Variants in GBP4 observed in about 807,000 individuals in gnomAD.
GBP4 encodes guanylate-binding protein 4.
In GBP4, 69 loss-of-function variants were observed where a neutral mutation model predicts 62.2. The ratio of observed to expected loss-of-function variants is 1.11; its 90% CI spans 0.91 to 1.36. The LOEUF is 1.36. Among genes scored for constraint, GBP4 ranks in the 40% most tolerant of loss-of-function variants. The pLI is 0.00. For synonymous variants in GBP4, 278 were observed against 274.6 expected (o/e 1.01, Z -0.12); for missense variants, 697 against 759.3 (o/e 0.92, Z 0.96).
chr1:89,187,808 T>A (rs531793258), intron 8 of GBP4, among the ~76,000 whole-genome samples: 1 of 152,314 alleles, frequency 6.6e-6, no homozygotes, highest in East Asian at 1.9e-4. Context: ...CATTTTAGAA[T>A]GATAATTATC....
chr1:89,181,343 G>C lies in GBP4; in HGVS notation c.*3911C>G, dbSNP rs1192415773. ...CTTAGTGGGGGAGCTTTTGAGCCAG[G>C]ATGAGCCAGGAGAAGGAATTTCACA... On this transcript the variant is annotated 3_prime_UTR_variant, in exon 11 of 11. Transcript: ENST00000355754. 1 of 152,002 alleles carries C rather than the reference G, an allele frequency of 6.6e-6. No homozygotes were observed. The highest frequency in any genetic ancestry group is 2.4e-5 in the African/African-American group (1 of 41,414). The allele number at this position is 152,002 out of a possible 1,614,324, so 9.4% of individuals were successfully genotyped here. A position where few individuals can be genotyped will look rare whatever the true frequency, so the allele number is the denominator to read the frequency against.
Position 89,184,044 on chromosome 1 carries a change from A to G in GBP4, c.*1210T>C, listed in dbSNP as rs547082226. 6.6e-6 allele frequency: 1 copy of G among 152,360 alleles called. No homozygotes were observed. Among genetic ancestry groups the G allele is most frequent in the South Asian group, 2.1e-4 (1 of 4,830 alleles). 9.4% of individuals were successfully genotyped at this position (152,360 alleles called of 1,614,324 possible). On this transcript the variant is annotated 3_prime_UTR_variant, in exon 11 of 11. Transcript: ENST00000355754. ...CGAAAAACAAGCAACCCCATTAAAA[A>G]GAAAGTGGGCAAAGAACATGAACAC...
chr1:89,194,658 A>G (rs1009344578), intron 3 of GBP4, among the ~76,000 whole-genome samples: 2 of 152,240 alleles, frequency 1.3e-5, no homozygotes, highest in African/African-American at 4.8e-5. Context: ...ACCTAAAGTT[A>G]TCTCACTTAC....
Position 89,191,450 on chromosome 1 carries a change from A to G in GBP4, c.727T>C (p.Phe243Leu). The G allele has an allele frequency of 1.2e-6, 2 of 1,614,250 alleles. No homozygotes were observed. The highest frequency in any genetic ancestry group is 1.7e-6 in the Non-Finnish European group (2 of 1,180,032). Residue 243 changes from phenylalanine (F) to leucine (L), a missense_variant, in exon 6 of 11, where the codon TTC becomes CTC. Phe to Leu is a conservative substitution (Grantham distance 22). Coordinates refer to ENST00000355754, the MANE Select transcript of GBP4 (RefSeq NM_052941.5). Reference sequence around the variant, plus strand: ...AAGACAAAGCACTTCCGTTTTCGGAAGAAATGCCTGATACACTCTCTAGGC... The same window carrying G: ...AAGACAAAGCACTTCCGTTTTCGGAGGAAATGCCTGATACACTCTCTAGGC... ...NMPRECIRHFFRKRKCFVFDR... is the reference protein window; with the variant it reads ...NMPRECIRHFLRKRKCFVFDR...
rs763765320 is a variant in GBP4 at position 89,188,681 on chromosome 1, CAAA to C, written c.1308_1310del (p.Ile436_Leu437delinsMet). Reference sequence around the variant, plus strand: ...CTCCAGGAACAGAGAAAATTCCTCTCAAAATGCTTTCTGTCAGGTGCTCTGAAA... The same window carrying C: ...CTCCAGGAACAGAGAAAATTCCTCTCATGCTTTCTGTCAGGTGCTCTGAAA... On this transcript the variant is annotated inframe_deletion, in exon 8 of 11. Transcript: ENST00000355754. 3.7e-6 allele frequency: 6 copies of C among 1,614,086 alleles called. No homozygotes were observed. In the African/African-American group the frequency reaches 4.0e-5, roughly 11 times the overall value.
intron 3 of GBP4, among the ~76,000 whole-genome samples, chr1:89,193,793 C>T (rs1182920864): frequency 1.3e-5 from 2 of 152,140 alleles, no homozygotes; most frequent in Non-Finnish European, 2.9e-5. Context: ...AAAATGCAGA[C>T]CCTGCATTTG....
chr1:89,187,298 C>G (rs1241443138), intron 8 of GBP4, among the ~76,000 whole-genome samples, 196 bp from the exon 9 acceptor site: 5 of 151,318 alleles, frequency 3.3e-5, no homozygotes, highest in African/African-American at 1.2e-4. Flanking sequence ...TGTGCAGCAG[C>G]CTCCCTCCTG....
chr1:89,187,375 G>A (rs572798577), intron 8 of GBP4, among the ~76,000 whole-genome samples: 2 of 152,082 alleles, frequency 1.3e-5, no homozygotes, highest in African/African-American at 2.4e-5. Flanking sequence ...ACCCACCCCC[G>A]GTGCAGACAA....
In GBP4 at chr1:89,192,990, A is replaced by G; in HGVS notation, c.584T>C (p.Val195Ala). 1 of 1,614,200 alleles carries G rather than the reference A, an allele frequency of 6.2e-7. No individual in the cohort carries two copies. Among genetic ancestry groups the G allele is most frequent in the South Asian group, 1.1e-5 (1 of 91,092 alleles). ...CTTTAGCTCCAGGGTAAAATCCCGA[A>G]CAGTCCAAATAAAGTCTGGAAAGAA... is the stretch of plus-strand genomic sequence containing the variant. ...ASFFPDFIWT[V>A]RDFTLELKLD... is the part of the protein sequence containing the mutation. The change falls in exon 5 of 11, where the codon GTT becomes GCT. Residue 195 changes from valine (V) to alanine (A), a missense_variant. Transcript: ENST00000355754.
At position 89,182,364 on chromosome 1, in the gene GBP4, CAG is replaced by C. The variant is rs1232988943; in HGVS notation, c.*2888_*2889del. 2.0e-5 allele frequency: 3 copies of C among 152,172 alleles called. No homozygotes were observed. Among genetic ancestry groups the C allele is most frequent in the Non-Finnish European group, 1.5e-5 (1 of 68,070 alleles). 9.4% of individuals were successfully genotyped at this position (152,172 alleles called of 1,614,324 possible). On this transcript the variant is annotated 3_prime_UTR_variant, in exon 11 of 11. Coordinates refer to ENST00000355754, the MANE Select transcript of GBP4 (RefSeq NM_052941.5). Reference sequence around the variant, plus strand: ...ATTTGAGCAAACAGGCGGTACATGACAGGGGCTGCATGCACTGGTGGTCAGAG... The same window carrying C: ...ATTTGAGCAAACAGGCGGTACATGACGGGCTGCATGCACTGGTGGTCAGAG...
At chr1:89,195,633 G>A (rs901070961) in intron 2 of GBP4, among the ~76,000 whole-genome samples, 15 of 152,202 alleles carry the variant, frequency 9.9e-5, no homozygotes, top group Middle Eastern at 3.4e-3. Context: ...AGTAGACAGC[G>A]GTTCAGTCCC....
At chr1:89,195,502 T>C in intron 2 of GBP4, 78 bp from the exon 3 acceptor site, 2 of 1,540,660 alleles carry the variant, frequency 1.3e-6, no homozygotes, top group East Asian at 2.3e-5. Context: ...GTTAAACTTG[T>C]AGGAATGTTT....
chr1:89,193,252 C>T (rs772517963), intron 4 of GBP4, 51 bp downstream of exon 4: 4 of 1,572,652 alleles, frequency 2.5e-6, no homozygotes, highest in African/African-American at 2.7e-5. Flanking sequence ...AGTATCAATT[C>T]CCATTCCCCT....
At chr1:89,194,609 A>G (rs1270802480) in intron 3 of GBP4, among the ~76,000 whole-genome samples, 1 of 152,186 alleles carries the variant, frequency 6.6e-6, no homozygotes, top group Admixed American at 6.5e-5. Context: ...TGCAAATAAG[A>G]AGAATGGACT....
In GBP4 at chr1:89,189,919, T is replaced by C; in HGVS notation, c.1197+119A>G. ...ACCTATAGCCCATAGAGCCCTGTTATTCACAAGAAACCATGGTCTTTCCAC... is the reference window on the plus strand; with the variant it reads ...ACCTATAGCCCATAGAGCCCTGTTACTCACAAGAAACCATGGTCTTTCCAC... On this transcript the variant is annotated intron_variant, in intron 7 of 10. Transcript: ENST00000355754. 6.2e-6 allele frequency: 6 copies of C among 966,900 alleles called. 1 individual carries two copies. The South Asian group carries it at 1.0e-4, about 17-fold the overall frequency. The allele number at this position is 966,900 out of a possible 1,614,324, so 59.9% of individuals were successfully genotyped here.
chr1:89,193,549 A>G, intron 3 of GBP4, 137 bp from the exon 4 acceptor site: 1 of 671,986 alleles, frequency 1.5e-6, no homozygotes, highest in Non-Finnish European at 2.5e-6. Context: ...GCCAATGCTG[A>G]ATTCAAACTT....
intron 3 of GBP4, among the ~76,000 whole-genome samples, chr1:89,193,631 TGTGA>T (rs1648248502): frequency 6.6e-6 from 1 of 152,246 alleles, no homozygotes; most frequent in Non-Finnish European, 1.5e-5. Context: ...ACATTGTCAA[TGTGA>T]GTAACATTCA....
Position 89,195,297 on chromosome 1 carries a change from C to T in GBP4, c.363G>A (p.Lys121=), listed in dbSNP as rs751786423. 6 of 1,613,400 alleles carry T rather than the reference C, an allele frequency of 3.7e-6. No homozygotes were observed. The East Asian group carries it at 1.1e-4, about 30-fold the overall frequency. ...LDTEGLGDVE[K]SNPKNDSWIF... is the part of the protein sequence containing the mutation. ...GAGCGGTGAAGTTTCTCTGCCTTACCTTTTCTACATCGCCCAGGCCCTCGG... is the reference window on the plus strand; with the variant it reads ...GAGCGGTGAAGTTTCTCTGCCTTACTTTTTCTACATCGCCCAGGCCCTCGG... Residue 121 remains lysine (K), a splice_region_variant and synonymous_variant, in exon 3 of 11, where the codon AAG becomes AAA. Coordinates refer to ENST00000355754, the MANE Select transcript of GBP4 (RefSeq NM_052941.5).
At position 89,187,667 on chromosome 1, in the gene GBP4, A is replaced by G. The variant is rs375865624; in HGVS notation, c.1411-565T>C. Among the ~76,000 whole-genome samples the G allele has an allele frequency of 3.7e-4, 56 of 152,332 alleles. 6 individuals are homozygous for G. The highest frequency in any genetic ancestry group is 9.2e-4 in the Admixed American group (14 of 15,300). ...ACTCAAAAAACCAATAAATATATTAAAAAATGAGCAAAGAAACTAAATAGA... is the reference window on the plus strand; with the variant it reads ...ACTCAAAAAACCAATAAATATATTAGAAAATGAGCAAAGAAACTAAATAGA... On this transcript the variant is annotated intron_variant, in intron 8 of 10. Coordinates refer to ENST00000355754, the MANE Select transcript of GBP4 (RefSeq NM_052941.5).
Sources: allele counts gnomAD v4.1 joint callset (sites outside exome capture counted in the v4.1 genomes callset), GRCh38; gene constraint gnomAD v4.1.1; transcripts MANE v1.5; gene names NCBI Gene and HGNC (gene_info 2026-07-23, HGNC 2026-07-21).